Variants in KLC2 observed in about 807,000 individuals in gnomAD.
KLC2 encodes KLC 2.
A neutral mutation model predicts 75.1 loss-of-function variants in KLC2; 35 were observed. The ratio of observed to expected loss-of-function variants is 0.47; its 90% CI spans 0.36 to 0.62. KLC2 has a LOEUF of 0.62. Ranked by LOEUF, KLC2 falls within the 20% of genes least tolerant of loss-of-function variation. The probability of loss-of-function intolerance (pLI) is 0.00; values close to 1 mark genes in which losing one functional copy is unlikely to be tolerated. For synonymous variants in KLC2, 314 were observed against 336.7 expected (o/e 0.93, Z 0.74); for missense variants, 611 against 833.2 (o/e 0.73, Z 3.28).
Position 66,262,116 on chromosome 11 carries a change from T to C in KLC2, c.460-7T>C. On this transcript the variant is annotated splice_polypyrimidine_tract_variant and splice_region_variant and intron_variant, in intron 3 of 15. Coordinates refer to ENST00000394067, the MANE Select transcript of KLC2 (RefSeq NM_001318734.2). ...TTCCCTGATGCTCATCCTGTCTTCC[T>C]TCCCAGGAGGAGAAGGGGGACGTCC... The C allele has an allele frequency of 6.2e-7, 1 of 1,613,096 alleles. No individual in the cohort carries two copies. Among genetic ancestry groups the C allele is most frequent in the Non-Finnish European group, 8.5e-7 (1 of 1,179,610 alleles).
At chr11:66,253,422 T>C (rs1855979412), upstream of KLC2, among the ~76,000 whole-genome samples, 1 of 152,138 alleles carries the variant, frequency 6.6e-6, no homozygotes, top group Non-Finnish European at 1.5e-5. Flanking sequence ...AGGGATGCAG[T>C]AGGAGAAGTG....
chr11:66,258,702 T>G lies in KLC2; in HGVS notation c.108T>G (p.Arg36=). 6.2e-7 allele frequency: 1 copy of G among 1,613,880 alleles called. No homozygotes were observed. Among genetic ancestry groups the G allele is most frequent in the Non-Finnish European group, 8.5e-7 (1 of 1,179,976 alleles). ...QGLETLRGEH[R]ALLAPLVAPE... ...TGGAGACTCTGCGTGGGGAGCATCGTGCCCTGCTGGCTCCTCTGGTTGCAC... is the reference window on the plus strand; with the variant it reads ...TGGAGACTCTGCGTGGGGAGCATCGGGCCCTGCTGGCTCCTCTGGTTGCAC... Residue 36 remains arginine, a synonymous_variant, in exon 2 of 16, where the codon CGT becomes CGG. Coordinates refer to ENST00000394067, the MANE Select transcript of KLC2 (RefSeq NM_001318734.2).
intron 4 of KLC2, 192 bp from the exon 5 acceptor site, chr11:66,262,622 T>G (rs150412197): frequency 3.4e-6 from 2 of 596,514 alleles, no homozygotes; most frequent in African/African-American, 3.7e-5. Context: ...GAGCCTGAAG[T>G]ACTGGAGCTG....
chr11:66,256,626 C>T (rs543959173), upstream of KLC2, among the ~76,000 whole-genome samples: 1 of 152,226 alleles, frequency 6.6e-6, no homozygotes, highest in East Asian at 1.9e-4. Flanking sequence ...GCTATGATCA[C>T]ACCAGTGCAC....
the KLC2 span, among the ~76,000 whole-genome samples, chr11:66,245,585 A>G: frequency 6.6e-6 from 1 of 152,090 alleles, no homozygotes; most frequent in Non-Finnish European, 1.5e-5. Flanking sequence ...GTGTGGTGGC[A>G]CGTGCCTGTA....
At chr11:66,261,719 C>A in intron 2 of KLC2, 23 bp from the exon 3 acceptor site, 1 of 1,560,018 alleles carries the variant, frequency 6.4e-7, no homozygotes. Flanking sequence ...GGCCTCCGAC[C>A]CTTACCTGGG....
chr11:66,253,269 A>G (rs948006012), upstream of KLC2, among the ~76,000 whole-genome samples: 3 of 152,106 alleles, frequency 2.0e-5, no homozygotes, highest in Non-Finnish European at 2.9e-5. Context: ...GTGCCCGGCC[A>G]TATCTGCTGA....
upstream of KLC2, among the ~76,000 whole-genome samples, chr11:66,253,249 G>A (rs960003166): frequency 6.6e-6 from 1 of 152,118 alleles, no homozygotes; most frequent in African/African-American, 2.4e-5. Flanking sequence ...GATTACAGAC[G>A]TGGGCCACTG....
chr11:66,261,723 AC>A lies in KLC2; in HGVS notation c.229-17del. 1 of 1,577,310 alleles carries A rather than the reference AC, an allele frequency of 6.3e-7. No individual in the cohort carries two copies. The highest frequency in any genetic ancestry group is 8.7e-7 in the Non-Finnish European group (1 of 1,149,428). On this transcript the variant is annotated intron_variant, in intron 2 of 15. Transcript: ENST00000394067. ...GGGGGTCGACAGGCCTCCGACCCTT[AC>A]CTGGGCTGGTTGCACAGGTGATCTT...
chr11:66,260,163 G>A (rs1025321816), intron 2 of KLC2, among the ~76,000 whole-genome samples: 4 of 148,044 alleles, frequency 2.7e-5, no homozygotes, highest in African/African-American at 1.0e-4. Flanking sequence ...AGGCTGTTGG[G>A]GGAATTTTTT....
the KLC2 span, among the ~76,000 whole-genome samples, chr11:66,247,833 A>G: frequency 0.96 from 146,745 of 152,262 alleles, 70,932 homozygotes; most frequent in Middle Eastern, 1. Flanking sequence ...ATTGGGTTCC[A>G]AATCCAGATG....
intron 11 of KLC2, 50 bp from the exon 12 acceptor site, chr11:66,265,605 T>C (rs779369062): frequency 6.8e-7 from 1 of 1,469,670 alleles, no homozygotes; most frequent in Non-Finnish European, 9.4e-7. Flanking sequence ...GGTGCCAGGA[T>C]GGGCCCTGGG....
intron 9 of KLC2, 183 bp downstream of exon 9, chr11:66,264,627 A>G: frequency 1.7e-6 from 1 of 598,874 alleles, no homozygotes; most frequent in Non-Finnish European, 3.0e-6. Flanking sequence ...CACACACCCA[A>G]CTCACGCAGC....
At chr11:66,257,236 G>A (rs1247187239), upstream of KLC2, 1 of 152,220 alleles carries the variant, frequency 6.6e-6, no homozygotes, top group Non-Finnish European at 1.5e-5. Flanking sequence ...ACCTCTGTCA[G>A]AGACGGTGCA....
Position 66,264,095 on chromosome 11 carries a change from C to T in KLC2, c.992C>T (p.Ala331Val). 1 of 1,605,152 alleles carries T rather than the reference C, an allele frequency of 6.2e-7. No homozygotes were observed. Among genetic ancestry groups the T allele is most frequent in the East Asian group, 2.2e-5 (1 of 44,492 alleles). Residue 331 changes from alanine to valine, a missense_variant, in exon 8 of 16, where the codon GCC (alanine) becomes GTC (valine). Transcript: ENST00000394067. ...PDVAKQLSNL[A>V]LLCQNQGKAE... ...GTGGCCAAGCAGCTCAGCAACCTGG[C>T]CCTGCTGTGCCAGAACCAGGGCAAA...
upstream of KLC2, chr11:66,257,574 G>T (rs1404406954): frequency 6.6e-6 from 1 of 152,176 alleles, no homozygotes; most frequent in African/African-American, 2.4e-5. Context: ...CGGGGCTGGC[G>T]GGCCCTGGGA....
At chr11:66,263,974 CAGGCTGGGGGTCTGGG>C in intron 7 of KLC2, 22 bp downstream of exon 7, 1 of 1,612,866 alleles carries the variant, frequency 6.2e-7, no homozygotes, top group Non-Finnish European at 8.5e-7. Flanking sequence ...CAGGGCTGGG[CAGGCTGGGGGTCTGGG>C]AGGCAGGGGC....
rs1319963709 is a variant in KLC2 at position 66,258,778 on chromosome 11, C to T, written c.184C>T (p.Arg62Cys). ...PGSQERCILL[R>C]RSLEAIELGL... The stretch of plus-strand genomic sequence containing the variant: ...CTCGCAGGAGCGCTGCATCCTCCTG[C>T]GTCGCTCCCTGGAAGCCATTGAGCT... Residue 62 changes from arginine to cysteine, a missense_variant, in exon 2 of 16, where the codon CGT (arginine) becomes TGT (cysteine). Arg to Cys is a radical substitution (Grantham distance 180). Transcript: ENST00000394067. The T allele has an allele frequency of 1.9e-6, 3 of 1,613,132 alleles. No individual in the cohort carries two copies. Among genetic ancestry groups the T allele is most frequent in the Non-Finnish European group, 2.5e-6 (3 of 1,179,884 alleles).
At chr11:66,261,481 A>C in intron 2 of KLC2, 1 of 457,258 alleles carries the variant, frequency 2.2e-6, no homozygotes, top group Non-Finnish European at 3.9e-6. Context: ...ACAGCACCCC[A>C]ACTAGCCCTT....
Sources: gnomAD v4.1 joint callset for allele counts (sites outside exome capture counted in the v4.1 genomes callset) on GRCh38, gnomAD v4.1.1 for gene constraint, MANE v1.5 for transcripts, NCBI Gene and HGNC (gene_info 2026-07-23, HGNC 2026-07-21) for gene names.